The following CRY1 variants were observed in gnomAD, a reference collection of about 807,000 sequenced individuals.
CRY1 encodes cryptochrome-1.
A neutral mutation model predicts 76.0 loss-of-function variants in CRY1; 45 were observed. The ratio of observed to expected loss-of-function variants is 0.59; its 90% CI spans 0.47 to 0.76. CRY1 has a LOEUF of 0.76. Ranked by LOEUF, CRY1 falls within the 30% of genes least tolerant of loss-of-function variation. The pLI is 0.00. For missense variants in CRY1, 587 were observed against 716.4 expected (o/e 0.82, Z 2.06); for synonymous variants, 248 against 244.0 (o/e 1.02, Z -0.15).
chr12:107,017,974 T>C (rs921314766), intron 2 of CRY1, among the ~76,000 whole-genome samples: 3 of 152,242 alleles, frequency 2.0e-5, no homozygotes, highest in Non-Finnish European at 2.9e-5. Context: ...ATTTGTTTAC[T>C]ATCTGTCTCC....
intron 5 of CRY1, 106 bp from the exon 6 acceptor site, chr12:107,000,188 TAA>T: frequency 9.0e-7 from 1 of 1,114,276 alleles, no homozygotes; most frequent in Non-Finnish European, 1.2e-6. Context: ...TCTTGGGGAA[TAA>T]AATCTTATCC....
At chr12:107,031,244 T>G (rs1593513878) in intron 1 of CRY1, among the ~76,000 whole-genome samples, 2 of 152,150 alleles carry the variant, frequency 1.3e-5, no homozygotes, top group East Asian at 3.9e-4. Flanking sequence ...CCCTGAGAAC[T>G]CTGAGCTTCA....
chr12:107,038,204 A>G (rs1480641072), intron 1 of CRY1, among the ~76,000 whole-genome samples: 1 of 152,230 alleles, frequency 6.6e-6, no homozygotes, highest in East Asian at 1.9e-4. Context: ...GAGCTAATAC[A>G]GCAAAGGAAA....
intron 1 of CRY1, among the ~76,000 whole-genome samples, chr12:107,042,000 T>C (rs1952804608): frequency 6.6e-6 from 1 of 152,102 alleles, no homozygotes; most frequent in African/African-American, 2.4e-5. Flanking sequence ...ACAAATAGGA[T>C]TGGTGTATGT....
At chr12:107,062,184 T>C (rs752750235) in intron 1 of CRY1, among the ~76,000 whole-genome samples, 20 of 152,146 alleles carry the variant, frequency 1.3e-4, no homozygotes, top group Non-Finnish European at 2.6e-4. Context: ...TATGAATAAA[T>C]GTTTTCATCT....
chr12:107,080,983 A>G (rs1953316979), intron 1 of CRY1, among the ~76,000 whole-genome samples: 1 of 152,124 alleles, frequency 6.6e-6, no homozygotes, highest in East Asian at 1.9e-4. Flanking sequence ...GGCAACCTAA[A>G]AAGAAGAAAA....
At chr12:107,056,048 C>T (rs926039643) in intron 1 of CRY1, among the ~76,000 whole-genome samples, 1 of 152,122 alleles carries the variant, frequency 6.6e-6, no homozygotes, top group Admixed American at 6.5e-5. Flanking sequence ...AAAGCTAAGT[C>T]GAACATATAA....
At chr12:107,001,469 G>C (rs1952310485) in intron 4 of CRY1, 101 bp from the exon 5 acceptor site, 2 of 1,029,686 alleles carry the variant, frequency 1.9e-6, no homozygotes, top group Non-Finnish European at 2.9e-6. Flanking sequence ...AATTAAGAGA[G>C]TACCATAAAA....
chr12:107,018,412 C>A (rs764560331), intron 2 of CRY1, among the ~76,000 whole-genome samples: 9 of 152,060 alleles, frequency 5.9e-5, no homozygotes, highest in Non-Finnish European at 1.2e-4. Context: ...ATTGGCGAAA[C>A]CCTTTCTCTG....
chr12:107,009,139 C>T (rs1952408229), intron 2 of CRY1, among the ~76,000 whole-genome samples: 1 of 152,132 alleles, frequency 6.6e-6, no homozygotes, highest in Non-Finnish European at 1.5e-5. Context: ...GATAATTTCT[C>T]TTTTCCTTTA....
chr12:107,053,410 G>A (rs899848259), intron 1 of CRY1, among the ~76,000 whole-genome samples: 4 of 151,940 alleles, frequency 2.6e-5, no homozygotes, highest in African/African-American at 9.7e-5. Context: ...TCTGCCTCCC[G>A]GGTTCAAGCA....
chr12:107,021,651 A>G (rs774112725), intron 2 of CRY1, among the ~76,000 whole-genome samples: 50 of 152,140 alleles, frequency 3.3e-4, no homozygotes, highest in Non-Finnish European at 4.4e-5. Flanking sequence ...CTTTTAACAA[A>G]GGGGACAGTA....
At chr12:106,996,004 C>T (rs58267893) in intron 10 of CRY1, among the ~76,000 whole-genome samples, 20,732 of 152,100 alleles carry the variant, frequency 0.14, 2,499 homozygotes, top group African/African-American at 0.31. Flanking sequence ...CTACCACGCC[C>T]GGCCAATTTT....
chr12:107,007,792 C>T (rs60953281), intron 2 of CRY1, among the ~76,000 whole-genome samples: 6,603 of 152,144 alleles, frequency 0.043, 273 homozygotes, highest in African/African-American at 0.11. Flanking sequence ...AGCCTCCCAA[C>T]GTGCTGGGAT....
At chr12:107,092,228 T>C (rs1420457248) in intron 1 of CRY1, among the ~76,000 whole-genome samples, 1 of 152,230 alleles carries the variant, frequency 6.6e-6, no homozygotes, top group Non-Finnish European at 1.5e-5. Context: ...GACTACAACT[T>C]GCCTAGAAAG....
At chr12:107,026,129 A>ATTACATATAT (rs1471086270) in intron 1 of CRY1, among the ~76,000 whole-genome samples, 10 of 35,458 alleles carry the variant, frequency 2.8e-4, no homozygotes, top group South Asian at 2.2e-3. Flanking sequence ...TATTATATAT[A>ATTACATATAT]ATTACATATA....
chr12:107,037,658 G>A (rs7967939), intron 1 of CRY1, among the ~76,000 whole-genome samples: 83,383 of 151,930 alleles, frequency 0.55, 23,236 homozygotes, highest in East Asian at 0.73. Context: ...CTTTTGAGCA[G>A]AGGTTGGAAC....
intron 1 of CRY1, among the ~76,000 whole-genome samples, chr12:107,067,809 T>C (rs1340879471): frequency 6.6e-6 from 1 of 152,152 alleles, no homozygotes; most frequent in Non-Finnish European, 1.5e-5. Context: ...GACTGAATGA[T>C]AATTTATAGG....
intron 2 of CRY1, among the ~76,000 whole-genome samples, chr12:107,008,328 T>C (rs181769305): frequency 6.6e-6 from 1 of 152,330 alleles, no homozygotes; most frequent in East Asian, 1.9e-4. Context: ...CATTCAGTAA[T>C]ACACTAAGTA....
Sources: gnomAD v4.1 joint callset for allele counts (sites outside exome capture counted in the v4.1 genomes callset) on GRCh38, gnomAD v4.1.1 for gene constraint, MANE v1.5 for transcripts, NCBI Gene and HGNC (gene_info 2026-07-23, HGNC 2026-07-21) for gene names.